HTR1F: variants seen among roughly 807,000 people sequenced by gnomAD.
HTR1F encodes 5-hydroxytryptamine receptor 1F.
A neutral mutation model predicts 24.0 loss-of-function variants in HTR1F; 17 were observed. That is an observed-to-expected ratio of 0.71 (90% CI 0.48 to 1.06). The LOEUF (loss-of-function observed/expected upper bound fraction) is 1.06. Ranked by LOEUF, HTR1F falls within the 50% of genes least tolerant of loss-of-function variation. HTR1F has a pLI of 0.00. For synonymous variants in HTR1F, 186 were observed against 156.8 expected (o/e 1.19, Z -1.39); for missense variants, 391 against 427.8 (o/e 0.91, Z 0.76).
chr3:87,847,266 G>A (rs1219450993), intron 2 of HTR1F, among the ~76,000 whole-genome samples: 1 of 151,676 alleles, frequency 6.6e-6, no homozygotes, highest in African/African-American at 2.4e-5. Flanking sequence ...TTTTGCAGAT[G>A]GGTTAATTGT....
chr3:87,794,164 G>A (rs970394446), intron 1 of HTR1F, among the ~76,000 whole-genome samples: 2 of 152,082 alleles, frequency 1.3e-5, no homozygotes, highest in Admixed American at 1.3e-4. Flanking sequence ...GCTACATTTC[G>A]CTGATAAAGT....
intron 2 of HTR1F, among the ~76,000 whole-genome samples, chr3:87,850,454 G>A (rs546594106): frequency 6.6e-6 from 1 of 151,916 alleles, no homozygotes; most frequent in East Asian, 1.9e-4. Flanking sequence ...ACCGGGGCCT[G>A]TTGTGGGGTG....
chr3:87,806,182 GT>G (rs1704070610), intron 1 of HTR1F, among the ~76,000 whole-genome samples: 2 of 152,000 alleles, frequency 1.3e-5, no homozygotes, highest in African/African-American at 4.8e-5. Flanking sequence ...TTGATTCCAT[GT>G]CTTTGCTATT....
chr3:87,939,779 GTCTA>G (rs1399930320), intron 2 of HTR1F, among the ~76,000 whole-genome samples: 60 of 152,126 alleles, frequency 3.9e-4, no homozygotes, highest in African/African-American at 1.4e-3. Context: ...TCTGCTAACA[GTCTA>G]TCTATTTTGA....
chr3:87,941,612 G>C (rs1336045026), intron 2 of HTR1F, among the ~76,000 whole-genome samples: 1 of 152,168 alleles, frequency 6.6e-6, no homozygotes, highest in Admixed American at 6.6e-5. Flanking sequence ...CAAATAGATG[G>C]AGGCTATCCC....
intron 1 of HTR1F, among the ~76,000 whole-genome samples, chr3:87,809,761 T>G (rs1704130386): frequency 6.6e-6 from 1 of 152,038 alleles, no homozygotes; most frequent in Non-Finnish European, 1.5e-5. Context: ...TGGGGGCACT[T>G]AAAAACACAT....
intron 2 of HTR1F, among the ~76,000 whole-genome samples, chr3:87,833,075 CTT>C (rs1704616169): frequency 6.6e-6 from 1 of 152,132 alleles, no homozygotes; most frequent in Non-Finnish European, 1.5e-5. Flanking sequence ...ATTTTTGCCT[CTT>C]GTTTAGAATT....
chr3:87,935,858 A>G (rs535245583), intron 2 of HTR1F, among the ~76,000 whole-genome samples: 1 of 148,154 alleles, frequency 6.7e-6, no homozygotes, highest in Admixed American at 6.8e-5. Flanking sequence ...CATTTTTAGG[A>G]TTTTTTTTTT....
At chr3:87,904,127 A>G (rs949147202) in intron 2 of HTR1F, among the ~76,000 whole-genome samples, 3 of 152,144 alleles carry the variant, frequency 2.0e-5, no homozygotes, top group African/African-American at 7.2e-5. Context: ...AACGTTTACA[A>G]CATCATTAAT....
chr3:87,840,314 C>G (rs771611898), intron 2 of HTR1F, among the ~76,000 whole-genome samples: 7 of 152,036 alleles, frequency 4.6e-5, no homozygotes, highest in Non-Finnish European at 8.8e-5. Flanking sequence ...AAATGGCCAA[C>G]AGATATATGG....
At chr3:87,854,025 A>G (rs749323053) in intron 2 of HTR1F, among the ~76,000 whole-genome samples, 2 of 151,982 alleles carry the variant, frequency 1.3e-5, no homozygotes, top group Admixed American at 6.6e-5. Flanking sequence ...CTATAAATCT[A>G]TGTTATCCTG....
chr3:87,867,862 G>T (rs1303851615), intron 2 of HTR1F, among the ~76,000 whole-genome samples: 1 of 152,032 alleles, frequency 6.6e-6, no homozygotes, highest in African/African-American at 2.4e-5. Flanking sequence ...ATCTGGATTT[G>T]ATTTCATAGC....
Position 87,866,983 on chromosome 3 carries a change from T to C in HTR1F, c.-43+44859T>C, listed in dbSNP as rs141503632. On this transcript the variant is annotated intron_variant, in intron 2 of 2. Transcript: ENST00000319595. ...TTTGAACCTGAAGTAATAGCCAGCT[T>C]AGATAATTAAGTTTATAAACAAAAT... Among the ~76,000 whole-genome samples, 556 of 151,966 alleles carry C rather than the reference T, an allele frequency of 3.7e-3. 4 individuals carry two copies. The highest frequency in any genetic ancestry group is 0.013 in the African/African-American group (522 of 41,516).
intron 2 of HTR1F, among the ~76,000 whole-genome samples, chr3:87,917,226 A>C (rs192181182): frequency 1.3e-5 from 2 of 152,148 alleles, no homozygotes; most frequent in East Asian, 3.9e-4. Context: ...GCTAAAAGGA[A>C]AGTTCATAGC....
At chr3:87,979,914 A>C (rs2099229) in intron 2 of HTR1F, among the ~76,000 whole-genome samples, 90,014 of 152,044 alleles carry the variant, frequency 0.59, 26,921 homozygotes, top group South Asian at 0.73. Context: ...AATGAGGAGA[A>C]TGCAGTAGCA....
intron 2 of HTR1F, among the ~76,000 whole-genome samples, chr3:87,844,254 T>C (rs1195792776): frequency 1.3e-5 from 2 of 151,770 alleles, no homozygotes; most frequent in Non-Finnish European, 2.9e-5. Context: ...ATTGTGGTTT[T>C]GATTTGCGTT....
intron 2 of HTR1F, among the ~76,000 whole-genome samples, chr3:87,959,402 C>T (rs1422567769): frequency 1.3e-5 from 2 of 151,778 alleles, no homozygotes; most frequent in Non-Finnish European, 2.9e-5. Context: ...CAATTGAGAG[C>T]GCTTTGTTTT....
At chr3:87,948,486 T>A (rs1325935670) in intron 2 of HTR1F, among the ~76,000 whole-genome samples, 2 of 151,874 alleles carry the variant, frequency 1.3e-5, no homozygotes, top group Non-Finnish European at 2.9e-5. Context: ...CTTTTTTATA[T>A]GCTTTTTTTT....
intron 2 of HTR1F, among the ~76,000 whole-genome samples, chr3:87,940,287 G>A (rs113296424): frequency 0.033 from 4,971 of 152,028 alleles, 246 homozygotes; most frequent in African/African-American, 0.11. Context: ...AAAGGCCTTC[G>A]ATAAAACTCA....
Sources: allele counts gnomAD v4.1 joint callset (sites outside exome capture counted in the v4.1 genomes callset), GRCh38; gene constraint gnomAD v4.1.1; transcripts MANE v1.5; gene names NCBI Gene and HGNC (gene_info 2026-07-23, HGNC 2026-07-21).